USH2A: variants seen among roughly 807,000 people sequenced by gnomAD.
USH2A encodes the protein usherin, also known as Usher syndrome 2A (autosomal recessive, mild).
USH2A carries 443 observed loss-of-function variants against 538.9 expected under a neutral mutation model. The ratio of observed to expected loss-of-function variants is 0.82; its 90% confidence interval spans 0.76 to 0.89. The LOEUF is 0.89. USH2A is among the 40% of genes least tolerant of loss of function. The probability of loss-of-function intolerance (pLI) is 0.00; values close to 1 mark genes in which losing one functional copy is unlikely to be tolerated. For synonymous variants in USH2A, 2,413 were observed against 2,273.5 expected, an observed-to-expected ratio of 1.06 and a Z score of -1.75; for missense variants, 6,633 against 6,324.8, an observed-to-expected ratio of 1.05 and a Z score of -1.65.
intron 50 of USH2A, among the ~76,000 whole-genome samples, chr1:215,792,003 T>G (rs1345838736): frequency 6.6e-6 from 1 of 152,232 alleles, no homozygotes; most frequent in East Asian, 1.9e-4. Flanking sequence ...TGGATTTTTT[T>G]ACTGTTAATT....
At chr1:215,711,186 T>C (rs970905064) in intron 61 of USH2A, among the ~76,000 whole-genome samples, 2 of 152,228 alleles carry the variant, frequency 1.3e-5, no homozygotes, top group South Asian at 2.1e-4. Context: ...ATTTTAATTA[T>C]ATAGATAAGG....
intron 32 of USH2A, among the ~76,000 whole-genome samples, chr1:216,010,735 C>T (rs1437029024): frequency 3.3e-5 from 5 of 151,590 alleles, no homozygotes; most frequent in East Asian, 1.9e-4. Flanking sequence ...TTTTAGTTAT[C>T]CCCACCTGCC....
At chr1:215,792,696 G>A (rs1470462441) in intron 50 of USH2A, among the ~76,000 whole-genome samples, 1 of 152,198 alleles carries the variant, frequency 6.6e-6, no homozygotes, top group Non-Finnish European at 1.5e-5. Flanking sequence ...CAGCATGAAT[G>A]AGCTGCAAAT....
intron 14 of USH2A, among the ~76,000 whole-genome samples, chr1:216,225,231 A>G (rs191076411): frequency 6.6e-6 from 1 of 152,318 alleles, no homozygotes; most frequent in Admixed American, 6.5e-5. Flanking sequence ...AGAAGTCAAA[A>G]AAAGATTCAA....
intron 25 of USH2A, 122 bp downstream of exon 25, chr1:216,084,576 C>CT (rs2032060032): frequency 1.0e-6 from 1 of 1,001,902 alleles, no homozygotes. Context: ...ATTGGAATAA[C>CT]TAAGTATTTC....
intron 32 of USH2A, among the ~76,000 whole-genome samples, chr1:216,031,612 T>A (rs1009873076): frequency 6.6e-6 from 1 of 152,216 alleles, no homozygotes; most frequent in Non-Finnish European, 1.5e-5. Context: ...GTCTTCGCTA[T>A]GTTGAAGCAA....
At chr1:216,178,660 A>G (rs301751) in intron 20 of USH2A, among the ~76,000 whole-genome samples, 136,764 of 152,036 alleles carry the variant, frequency 0.9, 61,771 homozygotes, top group East Asian at 0.98. Context: ...TAAACTACTA[A>G]CCTAGTAATA....
In USH2A at chr1:216,203,544, A is replaced by G. The variant is rs377267896; in HGVS notation, c.3317-3423T>C. Among the ~76,000 whole-genome samples the G allele has an allele frequency of 9.9e-5, 15 of 152,242 alleles. 1 individual carries two copies. The highest frequency in any genetic ancestry group is 3.9e-4 in the Admixed American group (6 of 15,286). On this transcript the variant is annotated intron_variant, in intron 16 of 71. Coordinates refer to ENST00000307340, the MANE Select transcript of USH2A (RefSeq NM_206933.4). Reference sequence around the variant, plus strand: ...ATGGATAAGGGGAAACTACCGCATTAAGAATATTAAGAGCCTTATAAAAAC... The same window carrying G: ...ATGGATAAGGGGAAACTACCGCATTGAGAATATTAAGAGCCTTATAAAAAC...
rs1432074381 is a variant in USH2A at position 216,415,520 on chromosome 1, T to TTTTA, written c.651+2993_651+2994insTAAA. On this transcript the variant is annotated intron_variant, in intron 3 of 71. Transcript: ENST00000307340. ...GTCCTTCCTGTCACTTTTTTTTTTT[T>TTTTA]TTTTTTTTTTTTTCAGACAGGATCT... is the stretch of plus-strand genomic sequence containing the variant. Among the ~76,000 whole-genome samples, 361 of 147,472 alleles carry TTTTA rather than the reference T, an allele frequency of 2.4e-3. 7 individuals carry two copies. The highest frequency in any genetic ancestry group is 8.7e-3 in the African/African-American group (342 of 39,486).
intron 41 of USH2A, among the ~76,000 whole-genome samples, chr1:215,882,914 G>A (rs1664953508): frequency 6.6e-6 from 1 of 151,942 alleles, no homozygotes; most frequent in Non-Finnish European, 1.5e-5. Flanking sequence ...ATTTCATATT[G>A]GAAAGATTAC....
At chr1:216,119,014 C>A (rs1016285633) in intron 21 of USH2A, among the ~76,000 whole-genome samples, 1 of 152,186 alleles carries the variant, frequency 6.6e-6, no homozygotes, top group East Asian at 1.9e-4. Flanking sequence ...AAACAAAGGA[C>A]TGGCTACATT....
intron 27 of USH2A, among the ~76,000 whole-genome samples, chr1:216,073,751 G>A (rs894079471): frequency 1.3e-5 from 2 of 152,136 alleles, no homozygotes; most frequent in African/African-American, 4.8e-5. Flanking sequence ...AAGCTCATTG[G>A]GGAAAAATAC....
chr1:216,349,672 A>T (rs1421876631), intron 4 of USH2A, among the ~76,000 whole-genome samples: 1 of 152,282 alleles, frequency 6.6e-6, no homozygotes, highest in Admixed American at 6.5e-5. Flanking sequence ...GGGATCCTCA[A>T]TTCTGGGAAT....
intron 49 of USH2A, among the ~76,000 whole-genome samples, chr1:215,801,264 A>G (rs981309729): frequency 1.3e-5 from 2 of 152,064 alleles, no homozygotes; most frequent in East Asian, 1.9e-4. Flanking sequence ...TGTATTCTAC[A>G]TAATATTGGA....
At position 215,844,861 on chromosome 1, in the gene USH2A, A is replaced by G. The variant is rs371233185; in HGVS notation, c.9056-365T>C. Reference sequence around the variant, plus strand: ...AGGTGCAGGGGAGGGAGGGAAGGAAATAAAATTTGCTCCTTGAGCAAAAAA... The same window carrying G: ...AGGTGCAGGGGAGGGAGGGAAGGAAGTAAAATTTGCTCCTTGAGCAAAAAA... On this transcript the variant is annotated intron_variant, in intron 45 of 71. Transcript: ENST00000307340. Among the ~76,000 whole-genome samples, 36 of 152,330 alleles carry G rather than the reference A, an allele frequency of 2.4e-4. No individual in the cohort carries two copies. The East Asian group carries it at 6.4e-3, about 27-fold the overall frequency.
intron 32 of USH2A, among the ~76,000 whole-genome samples, chr1:216,015,517 A>G (rs1363237523): frequency 6.6e-6 from 1 of 152,328 alleles, no homozygotes; most frequent in Middle Eastern, 3.4e-3. Flanking sequence ...CAGATGAGCA[A>G]TTAACCATCA....
chr1:215,920,001 G>C (rs2102487593), intron 38 of USH2A, among the ~76,000 whole-genome samples: 1 of 151,892 alleles, frequency 6.6e-6, no homozygotes, highest in African/African-American at 2.4e-5. Flanking sequence ...TTTAGTTGTT[G>C]TTCCCTTAGG....
At position 215,728,240 on chromosome 1, in the gene USH2A, C is replaced by G. The variant is rs762702250; in HGVS notation, c.11856G>C (p.Glu3952Asp). Residue 3952 changes from glutamate (E) to aspartate (D), a missense_variant, in exon 61 of 72, where the codon GAG (glutamate) becomes GAC (aspartate). Transcript: ENST00000307340. ...GAGTTTGTGTTAATGACCACAGACTCTCCACTGAACCCTTGGAGTTACAGG... is the reference window on the plus strand; with the variant it reads ...GAGTTTGTGTTAATGACCACAGACTGTCCACTGAACCCTTGGAGTTACAGG... ...VRACNSKGSV[E>D]SLWSLTQTLE... 19 of 1,614,070 alleles carry G rather than the reference C, an allele frequency of 1.2e-5. No homozygotes were observed. Among genetic ancestry groups the G allele is most frequent in the Non-Finnish European group, 1.5e-5 (18 of 1,180,056 alleles).
At chr1:215,744,681 G>A (rs1008919795) in intron 58 of USH2A, among the ~76,000 whole-genome samples, 3 of 152,196 alleles carry the variant, frequency 2.0e-5, no homozygotes, top group Admixed American at 6.5e-5. Context: ...TATTTACAGA[G>A]TGGAAGAGCT....
Sources: allele counts gnomAD v4.1 joint callset (sites outside exome capture counted in the v4.1 genomes callset), GRCh38; gene constraint gnomAD v4.1.1; transcripts MANE v1.5; gene names NCBI Gene and HGNC (gene_info 2026-07-23, HGNC 2026-07-21).